NAV2: variants seen among roughly 807,000 people sequenced by gnomAD.
The protein encoded by NAV2 is helicase, APC down-regulated 1.
NAV2 carries 54 observed loss-of-function variants against 223.2 expected under a neutral mutation model. The ratio of observed to expected loss-of-function variants is 0.24; its 90% CI spans 0.19 to 0.30. The LOEUF is 0.30. NAV2 is among the 10% of genes least tolerant of loss of function. NAV2 has a pLI of 1.00. For synonymous variants in NAV2, 1,279 were observed against 1,239.3 expected (o/e 1.03, Z -0.67); for missense variants, 2,806 against 3,147.5 (o/e 0.89, Z 2.60).
intron 1 of NAV2, among the ~76,000 whole-genome samples, chr11:19,583,201 T>A (rs2135046690): frequency 6.6e-6 from 1 of 152,356 alleles, no homozygotes; most frequent in East Asian, 1.9e-4. Flanking sequence ...TGTATAAGAA[T>A]GCTTGTGATT....
chr11:19,606,613 A>G (rs1281489310), intron 1 of NAV2, among the ~76,000 whole-genome samples: 2 of 152,026 alleles, frequency 1.3e-5, no homozygotes, highest in Non-Finnish European at 2.9e-5. Flanking sequence ...TCTCATCCAA[A>G]TCTCCAAGCC....
intron 6 of NAV2, among the ~76,000 whole-genome samples, chr11:19,921,143 T>A (rs1309492123): frequency 6.6e-6 from 1 of 152,196 alleles, no homozygotes; most frequent in African/African-American, 2.4e-5. Flanking sequence ...TGTGGATCAG[T>A]CACATCCGTG....
At chr11:19,489,793 G>A (rs2042564414) in intron 1 of NAV2, among the ~76,000 whole-genome samples, 1 of 152,134 alleles carries the variant, frequency 6.6e-6, no homozygotes, top group Non-Finnish European at 1.5e-5. Flanking sequence ...CCCCCAAACT[G>A]TTTCCTGACT....
chr11:19,430,620 T>C (rs780319430), intron 1 of NAV2, among the ~76,000 whole-genome samples: 13 of 152,346 alleles, frequency 8.5e-5, no homozygotes, highest in Admixed American at 5.2e-4. Flanking sequence ...GAGCAAGTTC[T>C]CAAGAACTTT....
intron 1 of NAV2, among the ~76,000 whole-genome samples, chr11:19,617,493 G>T (rs1183410310): frequency 6.6e-6 from 1 of 152,216 alleles, no homozygotes; most frequent in Non-Finnish European, 1.5e-5. Context: ...AAAGAGGACA[G>T]ACACAGGCCT....
intron 1 of NAV2, among the ~76,000 whole-genome samples, chr11:19,814,633 T>A (rs924928837): frequency 7.9e-5 from 12 of 152,134 alleles, no homozygotes; most frequent in Non-Finnish European, 7.4e-5. Flanking sequence ...GCCACTTTTT[T>A]GTTTGTTTGT....
chr11:19,977,066 T>C (rs2049827519), intron 10 of NAV2, among the ~76,000 whole-genome samples: 1 of 152,150 alleles, frequency 6.6e-6, no homozygotes, highest in African/African-American at 2.4e-5. Flanking sequence ...CAATTTTGCA[T>C]CAAGCAGAAA....
At chr11:19,784,532 A>C (rs2056972174) in intron 1 of NAV2, among the ~76,000 whole-genome samples, 1 of 151,942 alleles carries the variant, frequency 6.6e-6, no homozygotes, top group Admixed American at 6.6e-5. Context: ...TTATTATCCC[A>C]ACCAAGATAC....
chr11:19,773,189 C>A (rs2055861317), intron 1 of NAV2, among the ~76,000 whole-genome samples: 1 of 152,166 alleles, frequency 6.6e-6, no homozygotes, highest in Non-Finnish European at 1.5e-5. Context: ...CATAGCTGGG[C>A]AGGTGCTGAA....
At chr11:19,910,127 A>G (rs976716291) in intron 6 of NAV2, among the ~76,000 whole-genome samples, 5 of 152,204 alleles carry the variant, frequency 3.3e-5, no homozygotes, top group Non-Finnish European at 4.4e-5. Context: ...TCTCCATTTT[A>G]TAAAGAAACT....
chr11:19,904,233 T>C (rs1298502898), intron 6 of NAV2, among the ~76,000 whole-genome samples: 2 of 152,196 alleles, frequency 1.3e-5, no homozygotes, highest in Admixed American at 6.5e-5. Context: ...CTTCATATAT[T>C]CATGTGTCTG....
chr11:19,544,983 A>T (rs923180779), intron 1 of NAV2, among the ~76,000 whole-genome samples: 5 of 152,190 alleles, frequency 3.3e-5, no homozygotes, highest in African/African-American at 1.2e-4. Flanking sequence ...GGCCAAAGTA[A>T]ATGTCCCACT....
intron 1 of NAV2, among the ~76,000 whole-genome samples, chr11:19,586,200 T>C (rs2045893957): frequency 6.6e-6 from 1 of 152,218 alleles, no homozygotes; most frequent in Non-Finnish European, 1.5e-5. Flanking sequence ...ATTCGTCGCA[T>C]AGTTCTTGTG....
chr11:19,364,744 C>T (rs546627401), intron 1 of NAV2, among the ~76,000 whole-genome samples: 8 of 152,194 alleles, frequency 5.3e-5, no homozygotes, highest in Non-Finnish European at 1.0e-4. Context: ...CACACATGAA[C>T]ATCCAGTTCT....
At chr11:19,423,589 C>A (rs1850705381) in intron 1 of NAV2, among the ~76,000 whole-genome samples, 2 of 152,214 alleles carry the variant, frequency 1.3e-5, no homozygotes, top group African/African-American at 4.8e-5. Flanking sequence ...GTACAACACA[C>A]ATGTTATTTC....
intron 2 of NAV2, among the ~76,000 whole-genome samples, chr11:19,835,726 T>C (rs541005838): frequency 6.0e-5 from 9 of 151,220 alleles, no homozygotes; most frequent in South Asian, 4.1e-4. Flanking sequence ...TATACATACA[T>C]AAAATTTTCT....
intron 3 of NAV2, among the ~76,000 whole-genome samples, chr11:19,854,318 G>T (rs1245859634): frequency 1.3e-5 from 2 of 152,198 alleles, no homozygotes; most frequent in African/African-American, 4.8e-5. Flanking sequence ...CTGCATGTTG[G>T]AAACTGGTCA....
intron 17 of NAV2, among the ~76,000 whole-genome samples, chr11:20,052,599 A>C (rs2058082583): frequency 6.6e-6 from 1 of 152,252 alleles, no homozygotes; most frequent in Admixed American, 6.5e-5. Context: ...TCTGTAGCAG[A>C]TCTAGCCTAT....
At position 19,475,119 on chromosome 11, in the gene NAV2, A is replaced by C. The variant is rs551497483; in HGVS notation, c.75+124092A>C. The stretch of plus-strand genomic sequence containing the variant: ...TCTCCACTCCCTGGTCACAGCCTGC[A>C]TCTGGGGAAAGCCGGAAGGCTAAGG... On this transcript the variant is annotated intron_variant, in intron 1 of 37. Coordinates refer to the NAV2 transcript ENST00000360655. 2.0e-5 allele frequency among the ~76,000 whole-genome samples: 3 copies of C among 152,366 alleles called. No individual in the cohort carries two copies. In the South Asian group the frequency reaches 6.2e-4, roughly 32 times the overall value.
Sources: allele counts gnomAD v4.1 joint callset (sites outside exome capture counted in the v4.1 genomes callset), GRCh38; gene constraint gnomAD v4.1.1; transcripts MANE v1.5; gene names NCBI Gene and HGNC (gene_info 2026-07-23, HGNC 2026-07-21).